PPFIA4: variants seen among roughly 807,000 people sequenced by gnomAD.
PPFIA4 encodes PPFI scaffold protein A4, also known as liprin-alpha-4.
A neutral mutation model predicts 145.7 loss-of-function variants in PPFIA4; 98 were observed. That is an observed-to-expected ratio of 0.67 (90% CI 0.57 to 0.80). The LOEUF (loss-of-function observed/expected upper bound fraction) is 0.80, where lower values mean the gene tolerates loss of function less well. Among genes scored for constraint, PPFIA4 ranks in the 30% least tolerant of loss-of-function variants. The pLI is 0.00. For synonymous variants in PPFIA4, 628 were observed against 649.6 expected (o/e 0.97, Z 0.51); for missense variants, 1,457 against 1,632.7 (o/e 0.89, Z 1.85).
intron 25 of PPFIA4, chr1:203,067,457 C>A (rs1661807048): frequency 4.3e-6 from 2 of 462,248 alleles, no homozygotes; most frequent in Non-Finnish European, 7.7e-6. Context: ...TCCCATCAAT[C>A]CATCCCCAGG....
At chr1:203,045,651 CTGCCT>C (rs1660026455) in intron 7 of PPFIA4, 92 bp downstream of exon 7, 2 of 1,458,414 alleles carry the variant, frequency 1.4e-6, no homozygotes, top group African/African-American at 2.8e-5. Context: ...GACTGAACAC[CTGCCT>C]CCTTGCCTGG....
chr1:203,052,836 C>G (rs1660632108), intron 14 of PPFIA4, among the ~76,000 whole-genome samples: 1 of 152,244 alleles, frequency 6.6e-6, no homozygotes, highest in African/African-American at 2.4e-5. Context: ...AGAGAAGCTG[C>G]CGCCTCTCAG....
At chr1:203,047,560 G>C (rs1660173546) in intron 9 of PPFIA4, among the ~76,000 whole-genome samples, 1 of 152,180 alleles carries the variant, frequency 6.6e-6, no homozygotes, top group Non-Finnish European at 1.5e-5. Flanking sequence ...AGCAGAGACA[G>C]TAGGGTCTCC....
chr1:203,048,416 C>A lies in PPFIA4; in HGVS notation c.1224+106C>A. The A allele has an allele frequency of 6.8e-7, 1 of 1,474,626 alleles. No individual in the cohort carries two copies. Among genetic ancestry groups the A allele is most frequent in the Non-Finnish European group, 9.3e-7 (1 of 1,078,480 alleles). The allele number at this position is 1,474,626 out of a possible 1,614,324, so 91.3% of individuals were successfully genotyped here. ...AGGAAGGGCCTGGCCAGGGACACAG[C>A]CACAGAGAGTGGGAGGAGGCTGGCA... On this transcript the variant is annotated intron_variant, in intron 10 of 29. Coordinates refer to ENST00000295706, the MANE Select transcript of PPFIA4 (RefSeq NM_001304331.2). The surrounding 1 kb of genome is among the most constrained non-coding windows in gnomAD (Gnocchi z 5.8).
chr1:203,071,739 C>T lies in PPFIA4; in HGVS notation c.3372C>T (p.Gly1124=). 6.2e-7 allele frequency: 1 copy of T among 1,612,872 alleles called. No homozygotes were observed. Among genetic ancestry groups the T allele is most frequent in the Non-Finnish European group, 8.5e-7 (1 of 1,179,294 alleles). Residue 1124 remains glycine, a synonymous_variant, in exon 28 of 30, where the codon GGC becomes GGT. Transcript: ENST00000295706. The stretch of plus-strand genomic sequence containing the variant: ...AGTTCAATAACCTGTTGGCCTTGGG[C>T]ACAGACCGGAAGCTGGATGACGTGA... ...EREFNNLLAL[G]TDRKLDDGDD...
At chr1:203,035,065 C>T (rs1197878168) in intron 1 of PPFIA4, among the ~76,000 whole-genome samples, 3 of 152,250 alleles carry the variant, frequency 2.0e-5, no homozygotes, top group Non-Finnish European at 4.4e-5. Context: ...ATGTGAGTGA[C>T]TTACAGCAGC....
At position 203,038,983 on chromosome 1, in the gene PPFIA4, C is replaced by T. The variant is rs751101485; in HGVS notation, c.-26C>T. 3 of 1,309,744 alleles carry T rather than the reference C, an allele frequency of 2.3e-6. No individual in the cohort carries two copies. The highest frequency in any genetic ancestry group is 2.7e-5 in the South Asian group (2 of 74,306). 81.1% of individuals were successfully genotyped at this position (1,309,744 alleles called of 1,614,324 possible). ...GTGAGTCCCTCCCTGTCCCCTGACG[C>T]TGAGAAGGCCCTGCCAACCCCCACC... On this transcript the variant is annotated 5_prime_UTR_variant, in exon 2 of 30. Coordinates refer to ENST00000295706, the MANE Select transcript of PPFIA4 (RefSeq NM_001304331.2).
intron 19 of PPFIA4, 102 bp from the exon 20 acceptor site, chr1:203,059,076 C>A: frequency 2.2e-6 from 2 of 904,470 alleles, no homozygotes; most frequent in Non-Finnish European, 3.5e-6. Context: ...ATGGGTTGTC[C>A]TCTGCCAAGG....
chr1:203,059,859 T>C lies in PPFIA4; in HGVS notation c.2583+8T>C, dbSNP rs765482244. ...GTGGTCTCCTGGTTGGAGGTAAGCC[T>C]GAGCAAAGGGAGTCCACTCAGGGGT... On this transcript the variant is annotated splice_region_variant and intron_variant, in intron 21 of 29. Coordinates refer to ENST00000295706, the MANE Select transcript of PPFIA4 (RefSeq NM_001304331.2). 1.9e-6 allele frequency: 3 copies of C among 1,605,980 alleles called. No individual in the cohort carries two copies. The highest frequency in any genetic ancestry group is 2.6e-6 in the Non-Finnish European group (3 of 1,175,258).
Position 203,060,302 on chromosome 1 carries a change from C to T in PPFIA4, c.2669C>T (p.Thr890Ile). 1 of 1,614,088 alleles carries T rather than the reference C, an allele frequency of 6.2e-7. No individual in the cohort carries two copies. Among genetic ancestry groups the T allele is most frequent in the Non-Finnish European group, 8.5e-7 (1 of 1,179,954 alleles). ...SGAIMSALSD[T>I]EIQREIGISN... is the part of the protein sequence containing the mutation. Reference sequence around the variant, plus strand: ...GCCATCATGTCCGCTCTGTCGGACACAGAGATCCAGCGGGAGATCGGCATC... The same window carrying T: ...GCCATCATGTCCGCTCTGTCGGACATAGAGATCCAGCGGGAGATCGGCATC... Residue 890 changes from threonine (T) to isoleucine (I), a missense_variant, in exon 22 of 30, where the codon ACA (threonine) becomes ATA (isoleucine). Coordinates refer to ENST00000295706, the MANE Select transcript of PPFIA4 (RefSeq NM_001304331.2). The surrounding 1 kb of genome is among the most constrained non-coding windows in gnomAD (Gnocchi z 4.8).
rs1200924244 is a variant in PPFIA4 at position 203,075,928 on chromosome 1, C to T, written c.3574+171C>T. 2 of 669,896 alleles carry T rather than the reference C, an allele frequency of 3.0e-6. No individual in the cohort carries two copies. Among genetic ancestry groups the T allele is most frequent in the Non-Finnish European group, 4.5e-6 (2 of 444,870 alleles). The allele number at this position is 669,896 out of a possible 1,614,324, so 41.5% of individuals were successfully genotyped here. A position where few individuals can be genotyped will look rare whatever the true frequency, so the allele number is the denominator to read the frequency against. On this transcript the variant is annotated intron_variant, in intron 29 of 29. Coordinates refer to ENST00000295706, the MANE Select transcript of PPFIA4 (RefSeq NM_001304331.2). The surrounding 1 kb of genome is among the most constrained non-coding windows in gnomAD (Gnocchi z 4.1). ...GGGAGCGTGTGTGCGCACTAACCCG[C>T]CGCTCTGTGTGTTCTCCCGCGGCTG...
chr1:203,068,702 C>T lies in PPFIA4; in HGVS notation c.3324+74C>T. On this transcript the variant is annotated intron_variant, in intron 27 of 29. Coordinates refer to ENST00000295706, the MANE Select transcript of PPFIA4 (RefSeq NM_001304331.2). The surrounding 1 kb of genome is among the most constrained non-coding windows in gnomAD (Gnocchi z 4.7). ...ACTTGCTCTCTTTCTTTCCCTCATA[C>T]ACAAAGGCTTAGGTATCTTGGGGGG... The T allele has an allele frequency of 7.3e-7, 1 of 1,372,216 alleles. No homozygotes were observed. The highest frequency in any genetic ancestry group is 9.6e-7 in the Non-Finnish European group (1 of 1,047,066). 85.0% of individuals were successfully genotyped at this position (1,372,216 alleles called of 1,614,324 possible). A position where few individuals can be genotyped will look rare whatever the true frequency, so the allele number is the denominator to read the frequency against.
intron 2 of PPFIA4, 134 bp downstream of exon 2, chr1:203,039,376 A>G: frequency 3.0e-6 from 2 of 660,496 alleles, no homozygotes; most frequent in Non-Finnish European, 4.9e-6. Context: ...ACTCTCCTTC[A>G]TCTCTCTACG....
In PPFIA4 at chr1:203,060,703, G is replaced by C. The variant is rs1235569222; in HGVS notation, c.2785-267G>C. 6.6e-6 allele frequency among the ~76,000 whole-genome samples: 1 copy of C among 152,166 alleles called. No individual in the cohort carries two copies. Among genetic ancestry groups the C allele is most frequent in the Non-Finnish European group, 1.5e-5 (1 of 68,032 alleles). On this transcript the variant is annotated intron_variant, in intron 22 of 29. Coordinates refer to ENST00000295706, the MANE Select transcript of PPFIA4 (RefSeq NM_001304331.2). The surrounding 1 kb of genome is among the most constrained non-coding windows in gnomAD (Gnocchi z 4.8). Reference sequence around the variant, plus strand: ...GGGCAGTTTCCAGGATGGGCTTTCTGGGGTTTTATATGGTTGTCAGGTTGG... The same window carrying C: ...GGGCAGTTTCCAGGATGGGCTTTCTCGGGTTTTATATGGTTGTCAGGTTGG...
At chr1:203,037,221 TTC>T (rs763555405) in intron 1 of PPFIA4, 26 of 347,784 alleles carry the variant, frequency 7.5e-5, no homozygotes, top group African/African-American at 5.6e-4. Flanking sequence ...GGCCCGGCCC[TTC>T]TCTCTTTTCC....
chr1:203,076,424 G>C lies in PPFIA4; in HGVS notation c.*34G>C, dbSNP rs578039913. ...CCCAGGGCTGGCTTCCTCCTTCTGG[G>C]TTTCACAGGCTCCTCTGGCCCTGAC... On this transcript the variant is annotated 3_prime_UTR_variant, in exon 30 of 30. Coordinates refer to ENST00000295706, the MANE Select transcript of PPFIA4 (RefSeq NM_001304331.2). 2.5e-6 allele frequency: 4 copies of C among 1,595,134 alleles called. No individual in the cohort carries two copies. The highest frequency in any genetic ancestry group is 3.4e-6 in the Non-Finnish European group (4 of 1,168,574).
rs1287408542 is a variant in PPFIA4, at chr1:203,067,806, G to T, written c.3148+14G>T. The T allele has an allele frequency of 1.9e-6, 3 of 1,613,012 alleles. No homozygotes were observed. The highest frequency in any genetic ancestry group is 1.7e-5 in the Admixed American group (1 of 60,022). On this transcript the variant is annotated intron_variant, in intron 26 of 29. Transcript: ENST00000295706. ...ATGAGATCAAGGGTAAGCTCGTCAGGCTTGGAGAGGGTTCGGGAGCAGCCT... is the reference window on the plus strand; with the variant it reads ...ATGAGATCAAGGGTAAGCTCGTCAGTCTTGGAGAGGGTTCGGGAGCAGCCT...
Position 203,055,981 on chromosome 1 carries a change from TTC to T in PPFIA4, c.2071-137_2071-136del. On this transcript the variant is annotated intron_variant, in intron 16 of 29. Transcript: ENST00000295706. The surrounding 1 kb of genome is among the most constrained non-coding windows in gnomAD (Gnocchi z 4.8). Reference sequence around the variant, plus strand: ...TTTCTAGGCCAGCTTTTTTTTTTTTTTCTGGCGTGATATTCTCTCCGGGCCTG... The same window carrying T: ...TTTCTAGGCCAGCTTTTTTTTTTTTTTGGCGTGATATTCTCTCCGGGCCTG... The T allele has an allele frequency of 2.2e-6, 2 of 903,954 alleles. No individual in the cohort carries two copies. 56.0% of individuals were successfully genotyped at this position (903,954 alleles called of 1,614,324 possible). A position where few individuals can be genotyped will look rare whatever the true frequency, so the allele number is the denominator to read the frequency against.
Position 203,038,605 on chromosome 1 carries a change from C to T in PPFIA4, c.-399-5C>T, listed in dbSNP as rs1659469991. The T allele has an allele frequency of 6.2e-6, 1 of 160,952 alleles. No homozygotes were observed. 10.0% of individuals were successfully genotyped at this position (160,952 alleles called of 1,614,324 possible). On this transcript the variant is annotated splice_region_variant and splice_polypyrimidine_tract_variant and intron_variant, in intron 1 of 29. Coordinates refer to ENST00000295706, the MANE Select transcript of PPFIA4 (RefSeq NM_001304331.2). The stretch of plus-strand genomic sequence containing the variant: ...TGGTACTCACAGCAGTCTCTTTTCC[C>T]ACAGACACACTGCCCTCCAGAAACG...
Sources: gnomAD v4.1 joint callset for allele counts (sites outside exome capture counted in the v4.1 genomes callset) on GRCh38, gnomAD v4.1.1 for gene constraint, Gnocchi (gnomAD v3.1) non-coding constraint, MANE v1.5 for transcripts, NCBI Gene and HGNC (gene_info 2026-07-23, HGNC 2026-07-21) for gene names.